The following SUCLG2 variants were observed in gnomAD, a reference collection of about 807,000 sequenced individuals.
SUCLG2 encodes succinate--CoA ligase [GDP-forming] subunit beta, mitochondrial.
A neutral mutation model predicts 47.9 loss-of-function variants in SUCLG2; 42 were observed. The ratio of observed to expected loss-of-function variants is 0.88; its 90% confidence interval spans 0.69 to 1.14. The LOEUF is 1.14. Ranked by LOEUF, SUCLG2 falls within the 50% of genes most tolerant of loss-of-function variation. SUCLG2 has a pLI of 0.00. For synonymous variants in SUCLG2, 195 were observed against 197.3 expected, an observed-to-expected ratio of 0.99 and a Z score of 0.10; for missense variants, 571 against 525.9, an observed-to-expected ratio of 1.09 and a Z score of -0.84.
chr3:67,601,049 T>C (rs1307168956), intron 2 of SUCLG2, among the ~76,000 whole-genome samples: 1 of 152,308 alleles, frequency 6.6e-6, no homozygotes, highest in East Asian at 1.9e-4. Flanking sequence ...CTAGAGATTA[T>C]CATAAAACCT....
chr3:67,614,909 C>T (rs1346035416), intron 1 of SUCLG2, among the ~76,000 whole-genome samples: 3 of 152,072 alleles, frequency 2.0e-5, no homozygotes, highest in South Asian at 2.1e-4. Context: ...GCAAAGTGAC[C>T]GTGATAGGAA....
intron 1 of SUCLG2, among the ~76,000 whole-genome samples, chr3:67,630,343 T>C (rs982657415): frequency 2.6e-5 from 4 of 152,214 alleles, no homozygotes; most frequent in African/African-American, 4.8e-5. Flanking sequence ...TTCTATTATA[T>C]AGAAGATTAA....
chr3:67,495,738 A>G, intron 9 of SUCLG2, 60 bp downstream of exon 9: 1 of 1,595,888 alleles, frequency 6.3e-7, no homozygotes, highest in South Asian at 1.1e-5. Context: ...AGAACAAGTG[A>G]GCTCTTGACG....
intron 1 of SUCLG2, among the ~76,000 whole-genome samples, chr3:67,634,826 T>A (rs907638162): frequency 1.3e-5 from 2 of 152,216 alleles, no homozygotes; most frequent in African/African-American, 4.8e-5. Context: ...ACAATACCTG[T>A]CTTCCAATTC....
At chr3:67,535,162 T>TA (rs1390131510) in intron 2 of SUCLG2, among the ~76,000 whole-genome samples, 1 of 151,968 alleles carries the variant, frequency 6.6e-6, no homozygotes, top group Non-Finnish European at 1.5e-5. Context: ...AAACTAGCTA[T>TA]AAAAAAATCA....
chr3:67,500,725 C>T (rs1443970362), intron 7 of SUCLG2, among the ~76,000 whole-genome samples: 1 of 152,168 alleles, frequency 6.6e-6, no homozygotes, highest in Admixed American at 6.5e-5. Context: ...TCCTCCATTA[C>T]TCATTGGCAA....
At chr3:67,416,904 C>T (rs1177114065) in intron 9 of SUCLG2, among the ~76,000 whole-genome samples, 1 of 152,012 alleles carries the variant, frequency 6.6e-6, no homozygotes, top group African/African-American at 2.4e-5. Flanking sequence ...AGACAGGTAT[C>T]CACTAGAGGC....
intron 2 of SUCLG2, among the ~76,000 whole-genome samples, chr3:67,584,954 C>A (rs1308694132): frequency 1.3e-5 from 2 of 152,092 alleles, no homozygotes. Flanking sequence ...ATTATGGGAA[C>A]TAAAATTCAA....
chr3:67,599,733 A>T (rs973112206), intron 2 of SUCLG2, among the ~76,000 whole-genome samples: 7 of 151,640 alleles, frequency 4.6e-5, no homozygotes, highest in African/African-American at 1.7e-4. Flanking sequence ...AAAAAAAAAA[A>T]ACTCTAATAC....
chr3:67,605,734 CTTGA>C (rs1041311836), intron 2 of SUCLG2, among the ~76,000 whole-genome samples: 3 of 152,090 alleles, frequency 2.0e-5, no homozygotes, highest in African/African-American at 4.8e-5. Flanking sequence ...CTTTATCCAG[CTTGA>C]TTTTGTCAAT....
chr3:67,361,694 T>C (rs567877085), intron 10 of SUCLG2, among the ~76,000 whole-genome samples: 2 of 152,358 alleles, frequency 1.3e-5, no homozygotes, highest in Admixed American at 6.5e-5. Flanking sequence ...CATCCTTTCC[T>C]GTATCCTTGC....
intron 1 of SUCLG2, among the ~76,000 whole-genome samples, chr3:67,630,472 A>G (rs925744522): frequency 6.6e-6 from 1 of 152,228 alleles, no homozygotes; most frequent in Non-Finnish European, 1.5e-5. Flanking sequence ...ACTTATGTGT[A>G]GGATAAATGA....
chr3:67,512,206 C>A (rs1282770716), intron 6 of SUCLG2, among the ~76,000 whole-genome samples: 7 of 151,142 alleles, frequency 4.6e-5, no homozygotes, highest in Non-Finnish European at 1.0e-4. Context: ...GGCTTTGTGT[C>A]AGACTTTTAA....
intron 2 of SUCLG2, among the ~76,000 whole-genome samples, chr3:67,542,085 G>A (rs1011078267): frequency 6.6e-6 from 1 of 151,894 alleles, no homozygotes; most frequent in Non-Finnish European, 1.5e-5. Flanking sequence ...TGTAGGTCAG[G>A]TTGGTCTCAA....
Position 67,426,182 on chromosome 3 carries a change from A to G in SUCLG2, c.1063-25331T>C, listed in dbSNP as rs113366720. On this transcript the variant is annotated intron_variant, in intron 9 of 10. Transcript: ENST00000307227. The stretch of plus-strand genomic sequence containing the variant: ...CTTTTTCTTGAGCTAAAAGAATAAA[A>G]AAAACAAGCAAACAATAACAAAATC... Among the ~76,000 whole-genome samples the G allele has an allele frequency of 8.8e-4, 134 of 151,868 alleles. 1 individual carries two copies. Among genetic ancestry groups the G allele is most frequent in the African/African-American group, 3.1e-3 (126 of 41,296 alleles).
intron 9 of SUCLG2, among the ~76,000 whole-genome samples, chr3:67,407,554 G>C (rs7432317): frequency 0.38 from 57,376 of 152,046 alleles, 11,413 homozygotes; most frequent in East Asian, 0.51. Context: ...AAAACTTTCA[G>C]AGTAAGCCAG....
intron 7 of SUCLG2, among the ~76,000 whole-genome samples, chr3:67,501,855 C>G (rs529546287): frequency 1.2e-4 from 18 of 152,024 alleles, no homozygotes; most frequent in Non-Finnish European, 2.5e-4. Flanking sequence ...CCCCATATAC[C>G]TCTTCATCTG....
intron 9 of SUCLG2, among the ~76,000 whole-genome samples, chr3:67,491,368 T>C (rs1705201403): frequency 6.9e-6 from 1 of 145,958 alleles, no homozygotes; most frequent in Admixed American, 6.8e-5. Flanking sequence ...TTACTTTTTT[T>C]TTTTTTTTTT....
intron 2 of SUCLG2, among the ~76,000 whole-genome samples, chr3:67,551,518 C>T (rs1451187197): frequency 1.3e-5 from 2 of 152,166 alleles, no homozygotes; most frequent in East Asian, 1.9e-4. Context: ...GCCTCATTAG[C>T]AGGCTGAGGC....
Sources: allele counts gnomAD v4.1 joint callset (sites outside exome capture counted in the v4.1 genomes callset), GRCh38; gene constraint gnomAD v4.1.1; transcripts MANE v1.5; gene names NCBI Gene and HGNC (gene_info 2026-07-23, HGNC 2026-07-21).